The following NMNAT1 variants were observed in gnomAD, a reference collection of about 807,000 sequenced individuals.
NMNAT1 encodes the protein nicotinamide/nicotinic acid mononucleotide adenylyltransferase 1.
Under a neutral mutation model 16.7 loss-of-function variants are expected in NMNAT1, and 11 were observed. The observed-to-expected ratio is 0.66, with a 90% CI of 0.41 to 1.09. The LOEUF (loss-of-function observed/expected upper bound fraction) is 1.09. NMNAT1 is among the 50% of genes least tolerant of loss of function. The probability of loss-of-function intolerance (pLI) is 0.00; values close to 1 mark genes in which losing one functional copy is unlikely to be tolerated. For missense variants in NMNAT1, 280 were observed against 332.3 expected (o/e 0.84, Z 1.22); for synonymous variants, 110 against 119.8 (o/e 0.92, Z 0.53).
chr1:9,970,482 C>A (rs1329203320), intron 1 of NMNAT1, among the ~76,000 whole-genome samples: 1 of 152,002 alleles, frequency 6.6e-6, no homozygotes, highest in Admixed American at 6.6e-5. Flanking sequence ...ATCACAAGGT[C>A]AGGAGATGAA....
At chr1:9,980,846 C>T (rs1482900625) in intron 3 of NMNAT1, among the ~76,000 whole-genome samples, 185 bp from the exon 4 acceptor site, 3 of 151,272 alleles carry the variant, frequency 2.0e-5, no homozygotes, top group Non-Finnish European at 2.9e-5. Flanking sequence ...TTAGTAGAGA[C>T]GGGGTTTCAC....
chr1:9,949,781 A>G (rs979413212), intron 1 of NMNAT1: 3 of 151,952 alleles, frequency 2.0e-5, no homozygotes, highest in African/African-American at 7.3e-5. Flanking sequence ...AGAAGCAATA[A>G]ATTGACCTTG....
rs546417707 is a variant in NMNAT1, at chr1:9,945,048, A to G, written c.-57+1533A>G. On this transcript the variant is annotated intron_variant, in intron 1 of 4. Coordinates refer to ENST00000377205, the MANE Select transcript of NMNAT1 (RefSeq NM_022787.4). ...CAGGAATTCAAAACCAGCCCGGCCAACATGGTGAAACCCCATCTCTACTAA... is the reference window on the plus strand; with the variant it reads ...CAGGAATTCAAAACCAGCCCGGCCAGCATGGTGAAACCCCATCTCTACTAA... Among the ~76,000 whole-genome samples the G allele has an allele frequency of 2.8e-4, 42 of 152,338 alleles. No individual in the cohort carries two copies. In the South Asian group the frequency reaches 8.3e-3, roughly 30 times the overall value.
intron 1 of NMNAT1, among the ~76,000 whole-genome samples, chr1:9,945,010 G>A (rs1201074305): frequency 1.3e-5 from 2 of 152,184 alleles, no homozygotes; most frequent in Non-Finnish European, 2.9e-5. Flanking sequence ...AAGGCGGGCA[G>A]ATCACTTAAG....
At chr1:9,995,180 T>G in the NMNAT1 span, among the ~76,000 whole-genome samples, 1 of 152,004 alleles carries the variant, frequency 6.6e-6, no homozygotes. Flanking sequence ...GAGGGTTGCT[T>G]GAGCCTAGGA....
chr1:9,981,203 A>G, intron 4 of NMNAT1, 33 bp downstream of exon 4: 1 of 1,587,900 alleles, frequency 6.3e-7, no homozygotes, highest in Non-Finnish European at 8.5e-7. Flanking sequence ...CACGGACTAG[A>G]GTTGATAAGA....
chr1:9,978,304 C>T (rs1040207188), intron 3 of NMNAT1, among the ~76,000 whole-genome samples: 24 of 151,540 alleles, frequency 1.6e-4, no homozygotes, highest in African/African-American at 5.1e-4. Flanking sequence ...TGCAGTGAGC[C>T]GAGATTGCGC....
chr1:9,988,559 C>G (rs1570721714), downstream of NMNAT1, among the ~76,000 whole-genome samples: 1 of 151,968 alleles, frequency 6.6e-6, no homozygotes. Flanking sequence ...AAATATTAGC[C>G]AGGCATGGTG....
chr1:9,954,102 G>A lies in NMNAT1; in HGVS notation c.-57+10587G>A, dbSNP rs570742631. ...ATTACAGGCATGAGCCACCGCACCC[G>A]GCCCATACATCACTCTTAAAAGCAC... On this transcript the variant is annotated intron_variant, in intron 1 of 4. Transcript: ENST00000377205. Among the ~76,000 whole-genome samples, 57 of 151,716 alleles carry A rather than the reference G, an allele frequency of 3.8e-4. 1 individual carries two copies. Among genetic ancestry groups the A allele is most frequent in the Admixed American group, 1.3e-3 (20 of 15,204 alleles).
chr1:9,995,672 C>T, the NMNAT1 span, among the ~76,000 whole-genome samples: 2,677 of 149,844 alleles, frequency 0.018, 33 homozygotes, highest in Non-Finnish European at 0.027. Context: ...CCAGCCTAGG[C>T]GACAGAGTGA....
At chr1:9,993,073 G>T in the NMNAT1 span, among the ~76,000 whole-genome samples, 2 of 152,174 alleles carry the variant, frequency 1.3e-5, no homozygotes, top group East Asian at 1.9e-4. Context: ...GTGATTAGAG[G>T]AACTGAGTTG....
At chr1:9,975,919 G>T (rs1641797377) in intron 3 of NMNAT1, 144 bp downstream of exon 3, 9 of 656,664 alleles carry the variant, frequency 1.4e-5, no homozygotes, top group Non-Finnish European at 2.4e-5. Context: ...CCTGTGGAAG[G>T]TTACTACAAG....
At chr1:9,968,654 C>T (rs979577869) in intron 1 of NMNAT1, among the ~76,000 whole-genome samples, 3 of 149,420 alleles carry the variant, frequency 2.0e-5, no homozygotes, top group African/African-American at 7.4e-5. Flanking sequence ...ACCTATAGTC[C>T]CAGCTACTCG....
At chr1:9,981,243 T>G (rs760936156) in intron 4 of NMNAT1, 73 bp downstream of exon 4, 1 of 1,502,872 alleles carries the variant, frequency 6.7e-7, no homozygotes. Context: ...CCTGTGTATT[T>G]TTTTTTTTTT....
intron 1 of NMNAT1, among the ~76,000 whole-genome samples, chr1:9,944,888 A>G (rs1031608649): frequency 1.8e-4 from 28 of 152,222 alleles, no homozygotes; most frequent in Non-Finnish European, 3.1e-4. Flanking sequence ...ACTAGTTGAA[A>G]TGGTTGCAAT....
chr1:9,955,122 G>A (rs193149110), intron 1 of NMNAT1, among the ~76,000 whole-genome samples: 1 of 151,528 alleles, frequency 6.6e-6, no homozygotes, highest in African/African-American at 2.4e-5. Flanking sequence ...CCATCTCTAA[G>A]CTGGGCGCGG....
intron 1 of NMNAT1, among the ~76,000 whole-genome samples, chr1:9,963,133 C>T (rs1459473971): frequency 1.3e-5 from 2 of 152,140 alleles, no homozygotes; most frequent in Non-Finnish European, 2.9e-5. Flanking sequence ...TTCCAATCTA[C>T]ACTGTTCCAG....
the NMNAT1 span, among the ~76,000 whole-genome samples, chr1:9,991,707 G>A: frequency 6.6e-6 from 1 of 152,012 alleles, no homozygotes; most frequent in African/African-American, 2.4e-5. Context: ...CATGGAAAAG[G>A]CAGTCAATAA....
chr1:9,953,172 C>T (rs532655643), intron 1 of NMNAT1, among the ~76,000 whole-genome samples: 14 of 151,448 alleles, frequency 9.2e-5, no homozygotes, highest in Admixed American at 4.0e-4. Flanking sequence ...TTAGTAGAGA[C>T]GGGGTTTCAC....
Sources: allele counts gnomAD v4.1 joint callset (sites outside exome capture counted in the v4.1 genomes callset), GRCh38; gene constraint gnomAD v4.1.1; transcripts MANE v1.5; gene names NCBI Gene and HGNC (gene_info 2026-07-23, HGNC 2026-07-21).